Variants in ANKRD55 observed in about 807,000 individuals in gnomAD.
ANKRD55 encodes the protein ankyrin repeat domain-containing protein 55.
In ANKRD55, 41 loss-of-function variants were observed where a neutral mutation model predicts 60.6. The ratio of observed to expected loss-of-function variants is 0.68; its 90% CI spans 0.53 to 0.88. The LOEUF (loss-of-function observed/expected upper bound fraction) is 0.88. Ranked by LOEUF, ANKRD55 falls within the 40% of genes least tolerant of loss-of-function variation. The pLI is 0.00. For missense variants in ANKRD55, 732 were observed against 767.6 expected (o/e 0.95, Z 0.55); for synonymous variants, 264 against 290.3 (o/e 0.91, Z 0.92).
chr5:56,166,145 T>TCCTTC (rs1227655217), intron 5 of ANKRD55, among the ~76,000 whole-genome samples: 1 of 88,428 alleles, frequency 1.1e-5, no homozygotes, highest in African/African-American at 8.4e-5. Context: ...TTTCTTTCTT[T>TCCTTC]CTTTCTTTCT....
intron 7 of ANKRD55, among the ~76,000 whole-genome samples, chr5:56,136,640 G>T (rs1757605975): frequency 1.3e-5 from 2 of 152,058 alleles, no homozygotes; most frequent in African/African-American, 4.8e-5. Flanking sequence ...CTAAAATTAG[G>T]CCGGGCAAGG....
At chr5:56,199,699 G>A (rs1457880230) in intron 2 of ANKRD55, among the ~76,000 whole-genome samples, 1 of 151,270 alleles carries the variant, frequency 6.6e-6, no homozygotes, top group Admixed American at 6.6e-5. Flanking sequence ...GACCATCCTG[G>A]CTAACACGGT....
intron 5 of ANKRD55, among the ~76,000 whole-genome samples, chr5:56,169,236 T>TG (rs1758551896): frequency 6.6e-6 from 1 of 152,252 alleles, no homozygotes; most frequent in South Asian, 2.1e-4. Flanking sequence ...ATAACTTAAA[T>TG]GGGCTCTTTT....
chr5:56,190,579 C>T (rs1468961427), intron 2 of ANKRD55, among the ~76,000 whole-genome samples: 1 of 152,104 alleles, frequency 6.6e-6, no homozygotes, highest in Non-Finnish European at 1.5e-5. Context: ...ATTGAAAATA[C>T]TATTGTCTTA....
At chr5:56,149,684 C>T (rs927699458) in intron 6 of ANKRD55, among the ~76,000 whole-genome samples, 4 of 152,036 alleles carry the variant, frequency 2.6e-5, no homozygotes, top group Admixed American at 6.5e-5. Flanking sequence ...AAGGAGATCA[C>T]CTTGGGAGGC....
intron 2 of ANKRD55, 59 bp from the exon 3 acceptor site, chr5:56,183,693 C>G: frequency 1.9e-6 from 3 of 1,596,554 alleles, no homozygotes; most frequent in Non-Finnish European, 8.5e-7. Context: ...GAAAGAATAA[C>G]AATACCCAAG....
At chr5:56,208,479 C>T (rs1028424121) in intron 2 of ANKRD55, among the ~76,000 whole-genome samples, 6 of 152,040 alleles carry the variant, frequency 3.9e-5, no homozygotes, top group African/African-American at 1.5e-4. Context: ...GGCTGGAGTG[C>T]AGTGGCACCA....
chr5:56,150,792 G>A (rs539837662), intron 6 of ANKRD55, among the ~76,000 whole-genome samples: 62 of 152,216 alleles, frequency 4.1e-4, no homozygotes, highest in African/African-American at 1.2e-3. Context: ...CCAGCTACTC[G>A]GTAGGCTGAG....
chr5:56,167,317 CTG>C (rs1209674385), intron 5 of ANKRD55, among the ~76,000 whole-genome samples: 3 of 152,192 alleles, frequency 2.0e-5, no homozygotes, highest in African/African-American at 7.2e-5. Context: ...GTACTAGACA[CTG>C]TAGGCAATTG....
At chr5:56,226,580 T>A (rs1296333508) in intron 2 of ANKRD55, among the ~76,000 whole-genome samples, 1 of 149,952 alleles carries the variant, frequency 6.7e-6, no homozygotes, top group Non-Finnish European at 1.5e-5. Flanking sequence ...ATTTTTGCAA[T>A]CTACTCATCT....
At chr5:56,119,761 T>C (rs1756983171) in intron 8 of ANKRD55, among the ~76,000 whole-genome samples, 1 of 151,578 alleles carries the variant, frequency 6.6e-6, no homozygotes, top group Admixed American at 6.6e-5. Context: ...AAAAAAAATA[T>C]AAAAATTAGT....
chr5:56,227,501 C>A (rs1304289153), intron 2 of ANKRD55, among the ~76,000 whole-genome samples: 2 of 151,842 alleles, frequency 1.3e-5, no homozygotes, highest in Non-Finnish European at 2.9e-5. Context: ...AAACAAAAAA[C>A]AAACAAAAAA....
chr5:56,233,168 C>A, intron 1 of ANKRD55, 73 bp downstream of exon 1: 1 of 457,388 alleles, frequency 2.2e-6, no homozygotes. Flanking sequence ...GCATAATACA[C>A]CCTCCACCCC....
intron 6 of ANKRD55, among the ~76,000 whole-genome samples, chr5:56,144,580 G>A (rs2111762022): frequency 6.6e-6 from 1 of 152,156 alleles, no homozygotes; most frequent in East Asian, 1.9e-4. Flanking sequence ...GGTGGGATGG[G>A]GGATAACTGT....
rs1757889974 is a variant in ANKRD55, at chr5:56,146,209, C to G, written c.484-2280G>C. 2.0e-5 allele frequency among the ~76,000 whole-genome samples: 3 copies of G among 151,986 alleles called. No individual in the cohort carries two copies. The South Asian group carries it at 6.2e-4, about 32-fold the overall frequency. ...TGTTTGCCAGTCTGAATTCCTAGAT[C>G]CTAGAATGGTGCCAGGCACATTATA... is the stretch of plus-strand genomic sequence containing the variant. On this transcript the variant is annotated intron_variant, in intron 6 of 11. Coordinates refer to ENST00000341048, the MANE Select transcript of ANKRD55 (RefSeq NM_024669.3).
intron 5 of ANKRD55, among the ~76,000 whole-genome samples, chr5:56,166,115 T>TTTCTTTCTTTC (rs1758455461): frequency 1.7e-5 from 1 of 57,926 alleles, no homozygotes; most frequent in South Asian, 6.3e-4. Flanking sequence ...TCTTTCTTTC[T>TTTCTTTCTTTC]TTCTTTCTTT....
intron 2 of ANKRD55, among the ~76,000 whole-genome samples, chr5:56,186,990 C>G (rs1354157726): frequency 6.6e-6 from 1 of 152,196 alleles, no homozygotes; most frequent in Non-Finnish European, 1.5e-5. Context: ...AATGTATTCA[C>G]AATCCGTTCA....
intron 3 of ANKRD55, among the ~76,000 whole-genome samples, chr5:56,177,724 G>A (rs966425709): frequency 2.6e-5 from 4 of 151,896 alleles, no homozygotes; most frequent in Non-Finnish European, 4.4e-5. Flanking sequence ...GCAGTGAGCC[G>A]AGATTGTGCC....
At chr5:56,196,403 G>C (rs1343144851) in intron 2 of ANKRD55, among the ~76,000 whole-genome samples, 2 of 152,204 alleles carry the variant, frequency 1.3e-5, no homozygotes, top group Non-Finnish European at 2.9e-5. Context: ...ATAAGTAATA[G>C]CTAGTATTTA....
Sources: allele counts gnomAD v4.1 joint callset (sites outside exome capture counted in the v4.1 genomes callset), GRCh38; gene constraint gnomAD v4.1.1; transcripts MANE v1.5; gene names NCBI Gene and HGNC (gene_info 2026-07-23, HGNC 2026-07-21).